ARHGEF11: variants seen among roughly 807,000 people sequenced by gnomAD.
ARHGEF11 encodes the protein Rho guanine exchange factor (GEF) 11.
ARHGEF11 carries 55 observed loss-of-function variants against 193.7 expected under a neutral mutation model. That is an observed-to-expected ratio of 0.28 (90% CI 0.23 to 0.36). The LOEUF is 0.36. ARHGEF11 is among the 10% of genes least tolerant of loss of function. The pLI is 1.00. For synonymous variants in ARHGEF11, 693 were observed against 768.0 expected (o/e 0.90, Z 1.62); for missense variants, 1,723 against 2,005.6 (o/e 0.86, Z 2.69).
chr1:156,990,485 T>C (rs1270857597), intron 1 of ARHGEF11, among the ~76,000 whole-genome samples: 1 of 152,220 alleles, frequency 6.6e-6, no homozygotes, highest in African/African-American at 2.4e-5. Context: ...TCTCATCCAA[T>C]AGTTTTACTA....
At chr1:157,030,193 A>T (rs2102995753) in intron 1 of ARHGEF11, among the ~76,000 whole-genome samples, 1 of 152,274 alleles carries the variant, frequency 6.6e-6, no homozygotes, top group South Asian at 2.1e-4. Context: ...CCTGTTTTTC[A>T]ATAAAACTTT....
chr1:157,026,509 T>C (rs536373433), intron 1 of ARHGEF11, among the ~76,000 whole-genome samples: 1 of 152,252 alleles, frequency 6.6e-6, no homozygotes, highest in East Asian at 1.9e-4. Flanking sequence ...ATAGAGAAGG[T>C]AGGGCTAGAA....
At chr1:156,999,013 G>A (rs915458117) in intron 1 of ARHGEF11, among the ~76,000 whole-genome samples, 4 of 152,178 alleles carry the variant, frequency 2.6e-5, no homozygotes, top group African/African-American at 9.7e-5. Context: ...AAAGCCACAG[G>A]AAGGGAAATC....
intron 1 of ARHGEF11, among the ~76,000 whole-genome samples, chr1:156,994,295 T>A (rs1307256204): frequency 2.0e-5 from 3 of 152,102 alleles, no homozygotes. Context: ...CCCATATACG[T>A]CCTTTCTTTC....
intron 1 of ARHGEF11, among the ~76,000 whole-genome samples, chr1:157,028,361 T>G (rs1670903595): frequency 6.6e-6 from 1 of 152,216 alleles, no homozygotes; most frequent in African/African-American, 2.4e-5. Flanking sequence ...TTATTTTTAT[T>G]TAATCTTCAG....
At chr1:156,965,940 A>G (rs2102239310) in intron 11 of ARHGEF11, among the ~76,000 whole-genome samples, 1 of 152,322 alleles carries the variant, frequency 6.6e-6, no homozygotes, top group Non-Finnish European at 1.5e-5. Context: ...ACTCCCATTC[A>G]GTCATTCATT....
At chr1:156,961,585 CTGTT>C in intron 14 of ARHGEF11, 88 bp downstream of exon 14, 1 of 1,059,666 alleles carries the variant, frequency 9.4e-7, no homozygotes, top group East Asian at 2.4e-5. Context: ...GAACCTGTCT[CTGTT>C]TGGCCTGGAT....
In ARHGEF11 at chr1:156,939,535, C is replaced by T; in HGVS notation, c.4096+13G>A. ...GTGCTTGTCTCCCCACTGGACACTC[C>T]CATTTATTTTACCTTTTCTCACAAC... is the stretch of plus-strand genomic sequence containing the variant. On this transcript the variant is annotated intron_variant, in intron 37 of 40. Transcript: ENST00000368194. 6.2e-7 allele frequency: 1 copy of T among 1,608,326 alleles called. No homozygotes were observed. Among genetic ancestry groups the T allele is most frequent in the Non-Finnish European group, 8.5e-7 (1 of 1,179,978 alleles).
chr1:156,969,069 G>A (rs953137363), intron 10 of ARHGEF11, among the ~76,000 whole-genome samples: 2 of 152,192 alleles, frequency 1.3e-5, no homozygotes, highest in African/African-American at 4.8e-5. Context: ...AGTTGACAAT[G>A]ATAAAATGAA....
chr1:157,024,477 T>C (rs1670407090), intron 1 of ARHGEF11, among the ~76,000 whole-genome samples: 2 of 152,200 alleles, frequency 1.3e-5, no homozygotes, highest in Admixed American at 1.3e-4. Flanking sequence ...GTGCTGCACA[T>C]ACACAAGGGA....
chr1:156,996,609 T>C (rs1666527094), intron 1 of ARHGEF11, among the ~76,000 whole-genome samples: 1 of 151,564 alleles, frequency 6.6e-6, no homozygotes, highest in East Asian at 2.0e-4. Flanking sequence ...CCGTCTCTAC[T>C]AAAAATACAA....
intron 36 of ARHGEF11, 119 bp downstream of exon 36, chr1:156,940,088 C>T: frequency 7.1e-7 from 1 of 1,409,012 alleles, no homozygotes; most frequent in South Asian, 1.4e-5. Flanking sequence ...CCGCATCCAT[C>T]TCTCCTCAAG....
chr1:157,044,435 C>T lies in ARHGEF11; in HGVS notation c.-105G>A, dbSNP rs1410703634. ...GCAAGGTGAGAGGAGGGCCTCCCAA[C>T]TTGAAGATAGAATCCTTTCTCCTCC... On this transcript the variant is annotated 5_prime_UTR_variant, in exon 1 of 41. Coordinates refer to ENST00000368194, the MANE Select transcript of ARHGEF11 (RefSeq NM_198236.3). 3 of 1,038,602 alleles carry T rather than the reference C, an allele frequency of 2.9e-6. No homozygotes were observed. Among genetic ancestry groups the T allele is most frequent in the Admixed American group, 1.8e-5 (1 of 56,978 alleles). 64.3% of individuals were successfully genotyped at this position (1,038,602 alleles called of 1,614,324 possible). A position where few individuals can be genotyped will look rare whatever the true frequency, so the allele number is the denominator to read the frequency against.
chr1:156,957,859 AGGCTGGTCACCT>A (rs762890738), intron 17 of ARHGEF11, 44 bp from the exon 18 acceptor site: 1 of 1,609,210 alleles, frequency 6.2e-7, no homozygotes, highest in Non-Finnish European at 8.5e-7. Flanking sequence ...GCAAAGACAG[AGGCTGGTCACCT>A]GGTTAGAGGC....
At position 156,951,713 on chromosome 1, in the gene ARHGEF11, G is replaced by T. The variant is rs748233967; in HGVS notation, c.1799-14C>A. ...TGCCTGGTTTGACTAGAAGCAAAAA[G>T]AAAATGAAGGACACTAGGCTTGCTG... On this transcript the variant is annotated splice_polypyrimidine_tract_variant and intron_variant, in intron 21 of 40. Coordinates refer to ENST00000368194, the MANE Select transcript of ARHGEF11 (RefSeq NM_198236.3). The T allele has an allele frequency of 6.2e-7, 1 of 1,613,954 alleles. No individual in the cohort carries two copies. The highest frequency in any genetic ancestry group is 1.7e-5 in the Admixed American group (1 of 60,022).
chr1:156,973,274 C>A (rs549815261), intron 7 of ARHGEF11, among the ~76,000 whole-genome samples: 1 of 152,316 alleles, frequency 6.6e-6, no homozygotes, highest in South Asian at 2.1e-4. Context: ...GGGCCCTGCA[C>A]TTCTTTGTTT....
chr1:157,010,717 G>A (rs1476955499), intron 1 of ARHGEF11, among the ~76,000 whole-genome samples: 1 of 152,086 alleles, frequency 6.6e-6, no homozygotes. Context: ...CTGAAAAATT[G>A]TATTTCTATA....
chr1:157,012,815 A>G (rs1033838729), intron 1 of ARHGEF11, among the ~76,000 whole-genome samples: 4 of 152,232 alleles, frequency 2.6e-5, no homozygotes, highest in East Asian at 3.8e-4. Flanking sequence ...TAGATGCTAT[A>G]TAAGTTTTAG....
intron 1 of ARHGEF11, among the ~76,000 whole-genome samples, chr1:157,035,031 A>G (rs1045620687): frequency 6.6e-6 from 1 of 152,198 alleles, no homozygotes; most frequent in Non-Finnish European, 1.5e-5. Flanking sequence ...TACCCGAAGC[A>G]GGGCGACAGG....
Sources: gnomAD v4.1 joint callset for allele counts (sites outside exome capture counted in the v4.1 genomes callset) on GRCh38, gnomAD v4.1.1 for gene constraint, MANE v1.5 for transcripts, NCBI Gene and HGNC (gene_info 2026-07-23, HGNC 2026-07-21) for gene names.